Variants in KLHDC8A observed in about 807,000 individuals in gnomAD.
The protein encoded by KLHDC8A is kelch domain-containing protein 8A.
A neutral mutation model predicts 33.1 loss-of-function variants in KLHDC8A; 21 were observed. The ratio of observed to expected loss-of-function variants is 0.64; its 90% confidence interval spans 0.45 to 0.91. KLHDC8A has a LOEUF of 0.91. Ranked by LOEUF, KLHDC8A falls within the 40% of genes least tolerant of loss-of-function variation. The probability of loss-of-function intolerance (pLI) is 0.00; values close to 1 mark genes in which losing one functional copy is unlikely to be tolerated. For synonymous variants in KLHDC8A, 173 were observed against 193.5 expected, an observed-to-expected ratio of 0.89 and a Z score of 0.88; for missense variants, 435 against 483.3, an observed-to-expected ratio of 0.90 and a Z score of 0.94.
At chr1:205,345,466 G>A (rs1443744416) in intron 1 of KLHDC8A, among the ~76,000 whole-genome samples, 7 of 152,112 alleles carry the variant, frequency 4.6e-5, no homozygotes, top group African/African-American at 1.7e-4. Flanking sequence ...GGCCGGGTGC[G>A]GTGGCTCATA....
At chr1:205,350,786 T>C (rs1663075851) in intron 1 of KLHDC8A, among the ~76,000 whole-genome samples, 3 of 152,154 alleles carry the variant, frequency 2.0e-5, no homozygotes, top group Admixed American at 2.0e-4. Flanking sequence ...CTGCCTATCA[T>C]GATGGCGTGC....
At position 205,343,242 on chromosome 1, in the gene KLHDC8A, A is replaced by G; in HGVS notation, c.363T>C (p.Ser121=). The G allele has an allele frequency of 6.3e-7, 1 of 1,590,008 alleles. No individual in the cohort carries two copies. The highest frequency in any genetic ancestry group is 1.1e-5 in the South Asian group (1 of 89,130). ...SMLREAAMGI[S]VTAKDYRVYA... ...GGCCCCACTTGCCTTTGGCCGTGACAGAAATGCCCATGGCGGCCTCACGCA... is the reference window on the plus strand; with the variant it reads ...GGCCCCACTTGCCTTTGGCCGTGACGGAAATGCCCATGGCGGCCTCACGCA... The change falls in exon 2 of 6, where the codon TCT becomes TCC. Residue 121 remains serine, a synonymous_variant. Coordinates refer to ENST00000367155, the MANE Select transcript of KLHDC8A (RefSeq NM_018203.3).
At chr1:205,343,114 G>A (rs1287880714) in intron 2 of KLHDC8A, 115 bp downstream of exon 2, 6 of 1,426,182 alleles carry the variant, frequency 4.2e-6, no homozygotes, top group Non-Finnish European at 5.7e-6. Context: ...GGGGTCTGCA[G>A]AAATATGGCA....
At chr1:205,355,413 C>T (rs1037401504) in intron 1 of KLHDC8A, among the ~76,000 whole-genome samples, 7 of 152,174 alleles carry the variant, frequency 4.6e-5, no homozygotes, top group African/African-American at 1.7e-4. Context: ...TCCCTGCAGG[C>T]AAGAGTCATT....
intron 1 of KLHDC8A, among the ~76,000 whole-genome samples, chr1:205,348,029 C>G (rs894899898): frequency 6.6e-6 from 1 of 152,204 alleles, no homozygotes; most frequent in Non-Finnish European, 1.5e-5. Flanking sequence ...TACAGGCATG[C>G]ACCACCTTGA....
chr1:205,339,627 C>CAGT lies in KLHDC8A; in HGVS notation c.541+14_541+16dup, dbSNP rs775341398. 3.7e-6 allele frequency: 6 copies of CAGT among 1,613,390 alleles called. No homozygotes were observed. In the Admixed American group the frequency reaches 1.0e-4, roughly 27 times the overall value. On this transcript the variant is annotated intron_variant, in intron 3 of 5. Coordinates refer to ENST00000367155, the MANE Select transcript of KLHDC8A (RefSeq NM_018203.3). This position sits in a 1 kb window ranked among gnomAD's most constrained non-coding sequence, Gnocchi z 5.1. The stretch of plus-strand genomic sequence containing the variant: ...GGAAGGAAGGAGGGTAGGTATAGAA[C>CAGT]AGTAACCTGTCCTTACCCAGCACGT...
chr1:205,350,695 G>A (rs546709539), intron 1 of KLHDC8A, among the ~76,000 whole-genome samples: 5 of 151,672 alleles, frequency 3.3e-5, no homozygotes, highest in East Asian at 1.9e-4. Context: ...GCTGAGAGAC[G>A]GCTCTGAATG....
At chr1:205,355,333 C>T (rs1341448467) in intron 1 of KLHDC8A, among the ~76,000 whole-genome samples, 1 of 152,220 alleles carries the variant, frequency 6.6e-6, no homozygotes, top group East Asian at 1.9e-4. Flanking sequence ...CATGCTCCTT[C>T]CTGCTTGTTG....
At chr1:205,342,339 G>C (rs1662814629) in intron 2 of KLHDC8A, among the ~76,000 whole-genome samples, 1 of 152,180 alleles carries the variant, frequency 6.6e-6, no homozygotes, top group Admixed American at 6.5e-5. Context: ...CCTTCTTACT[G>C]GGAGGTCACA....
At position 205,343,479 on chromosome 1, in the gene KLHDC8A, G is replaced by A. The variant is rs1222917574; in HGVS notation, c.126C>T (p.Asn42=). 6.8e-6 allele frequency: 11 copies of A among 1,613,428 alleles called. No homozygotes were observed. The Admixed American group carries it at 1.8e-4, about 27-fold the overall frequency. Residue 42 remains asparagine, a synonymous_variant, in exon 2 of 6, where the codon AAC becomes AAT. Coordinates refer to ENST00000367155, the MANE Select transcript of KLHDC8A (RefSeq NM_018203.3). ...QVYAIGGCDD[N]GVPMDCFEVY... ...CCTCGAAGCAGTCCATGGGGACGCC[G>A]TTGTCGTCACATCCCCCGATGGCAT...
intron 1 of KLHDC8A, among the ~76,000 whole-genome samples, chr1:205,347,700 G>A (rs1328387143): frequency 1.3e-5 from 2 of 152,150 alleles, no homozygotes; most frequent in Non-Finnish European, 2.9e-5. Context: ...AGGTGACACA[G>A]CAAGACCCTG....
intron 2 of KLHDC8A, 48 bp downstream of exon 2, chr1:205,343,181 C>T: frequency 6.5e-7 from 1 of 1,532,896 alleles, no homozygotes; most frequent in East Asian, 2.3e-5. Context: ...TCCCTCCTGG[C>T]CCCCCACTTC....
Position 205,337,187 on chromosome 1 carries a change from T to C in KLHDC8A, c.*212A>G. The C allele has an allele frequency of 1.7e-6, 1 of 579,634 alleles. No homozygotes were observed. Among genetic ancestry groups the C allele is most frequent in the Non-Finnish European group, 3.1e-6 (1 of 324,756 alleles). 35.9% of individuals were successfully genotyped at this position (579,634 alleles called of 1,614,324 possible). On this transcript the variant is annotated 3_prime_UTR_variant, in exon 6 of 6. Coordinates refer to ENST00000367155, the MANE Select transcript of KLHDC8A (RefSeq NM_018203.3). ...CTCTCTTCAGAGTCAGCTCTGCAGC[T>C]GGTGGAGTCATCTGTGCCTCTTACA...
Position 205,338,490 on chromosome 1 carries a change from C to T in KLHDC8A, c.859+5G>A, listed in dbSNP as rs1367492777. ...TAAATTCCAGCGTGAAAGCGCCATCCTTACCAAGTCCCCCAGCCACTATGA... is the reference window on the plus strand; with the variant it reads ...TAAATTCCAGCGTGAAAGCGCCATCTTTACCAAGTCCCCCAGCCACTATGA... On this transcript the variant is annotated splice_donor_5th_base_variant and intron_variant, in intron 5 of 5. Coordinates refer to ENST00000367155, the MANE Select transcript of KLHDC8A (RefSeq NM_018203.3). 3.1e-6 allele frequency: 5 copies of T among 1,609,798 alleles called. No individual in the cohort carries two copies. Among genetic ancestry groups the T allele is most frequent in the Non-Finnish European group, 4.3e-6 (5 of 1,176,200 alleles).
In KLHDC8A at chr1:205,343,674, G is replaced by A; in HGVS notation, c.-70C>T. The A allele has an allele frequency of 1.4e-6, 2 of 1,459,268 alleles. No homozygotes were observed. The highest frequency in any genetic ancestry group is 1.8e-6 in the Non-Finnish European group (2 of 1,099,222). 90.4% of individuals were successfully genotyped at this position (1,459,268 alleles called of 1,614,324 possible). On this transcript the variant is annotated 5_prime_UTR_variant, in exon 2 of 6. Coordinates refer to ENST00000367155, the MANE Select transcript of KLHDC8A (RefSeq NM_018203.3). ...GGGGGTCCACCGGCTACTTGGCGCC[G>A]GCTCCCACGGCCCCTATCGCCACCT...
At position 205,356,651 on chromosome 1, in the gene KLHDC8A, G is replaced by T. The variant is rs1663284689; in HGVS notation, c.-308C>A. On this transcript the variant is annotated 5_prime_UTR_variant, in exon 1 of 6. Transcript: ENST00000367155. The stretch of plus-strand genomic sequence containing the variant: ...GAGGCTTGTCCTAGGAGCTGGCTGG[G>T]AATAGAGTCGGCAAGGTCCCCAGGG... 2.2e-6 allele frequency: 1 copy of T among 453,064 alleles called. No individual in the cohort carries two copies. Among genetic ancestry groups the T allele is most frequent in the Admixed American group, 2.4e-5 (1 of 42,438 alleles). The allele number at this position is 453,064 out of a possible 1,614,324, so 28.1% of individuals were successfully genotyped here. A position where few individuals can be genotyped will look rare whatever the true frequency, so the allele number is the denominator to read the frequency against.
At chr1:205,354,924 C>T (rs778544751) in intron 1 of KLHDC8A, among the ~76,000 whole-genome samples, 6 of 152,192 alleles carry the variant, frequency 3.9e-5, no homozygotes, top group Non-Finnish European at 8.8e-5. Flanking sequence ...ATGAAGATGA[C>T]GCACAAATTC....
chr1:205,348,166 A>G (rs1662997005), intron 1 of KLHDC8A, among the ~76,000 whole-genome samples: 1 of 151,992 alleles, frequency 6.6e-6, no homozygotes, highest in Non-Finnish European at 1.5e-5. Context: ...GCGGTACCTT[A>G]GGGGGAAGTT....
chr1:205,339,657 C>T lies in KLHDC8A; in HGVS notation c.528G>A (p.Lys176=), dbSNP rs183828942. Residue 176 remains lysine (K), a synonymous_variant, in exon 3 of 6, where the codon AAG becomes AAA. Transcript: ENST00000367155. The surrounding 1 kb of genome is among the most constrained non-coding windows in gnomAD (Gnocchi z 5.1). Reference sequence around the variant, plus strand: ...ACCTGTCCTTACCCAGCACGTAGATCTTGGAGCCTCGGAGGAAGGAGGTGG... The same window carrying T: ...ACCTGTCCTTACCCAGCACGTAGATTTTGGAGCCTCGGAGGAAGGAGGTGG... ...YAATSFLRGS[K]IYVLGGRQSK... 1 of 1,614,074 alleles carries T rather than the reference C, an allele frequency of 6.2e-7. No homozygotes were observed. The highest frequency in any genetic ancestry group is 2.2e-5 in the East Asian group (1 of 44,876).
Sources: allele counts gnomAD v4.1 joint callset (sites outside exome capture counted in the v4.1 genomes callset), GRCh38; gene constraint gnomAD v4.1.1; non-coding constraint Gnocchi (gnomAD v3.1); transcripts MANE v1.5; gene names NCBI Gene and HGNC (gene_info 2026-07-23, HGNC 2026-07-21).